WNT7A: variants seen among roughly 807,000 people sequenced by gnomAD.
WNT7A encodes protein Wnt-7a.
In WNT7A, 16 loss-of-function variants were observed where a neutral mutation model predicts 28.2. The ratio of observed to expected loss-of-function variants is 0.57; its 90% CI spans 0.38 to 0.86. The LOEUF (loss-of-function observed/expected upper bound fraction) is 0.86. Among genes scored for constraint, WNT7A ranks in the 40% least tolerant of loss-of-function variants. WNT7A has a pLI of 0.00. For synonymous variants in WNT7A, 190 were observed against 195.9 expected (o/e 0.97, Z 0.25); for missense variants, 411 against 489.7 (o/e 0.84, Z 1.52).
At chr3:13,822,993 G>A (rs1262016960) in intron 3 of WNT7A, among the ~76,000 whole-genome samples, 1 of 152,178 alleles carries the variant, frequency 6.6e-6, no homozygotes, top group Non-Finnish European at 1.5e-5. Flanking sequence ...GGTATTGAAT[G>A]GGCTCCGATC....
At chr3:13,862,801 G>A (rs1694852220) in intron 2 of WNT7A, among the ~76,000 whole-genome samples, 1 of 152,244 alleles carries the variant, frequency 6.6e-6, no homozygotes, top group Non-Finnish European at 1.5e-5. Flanking sequence ...AGAGCACACT[G>A]CTGACCACTT....
rs1694354458 is a variant in WNT7A, at chr3:13,835,588, T to A, written c.571-16165A>T. On this transcript the variant is annotated intron_variant, in intron 3 of 3. Coordinates refer to ENST00000285018, the MANE Select transcript of WNT7A (RefSeq NM_004625.4). ...GGGCCCCCTACATCAGTTCAGACCC[T>A]TCTCTCTTGGCCAGAGACCTGGGCT... 2.0e-5 allele frequency among the ~76,000 whole-genome samples: 3 copies of A among 152,328 alleles called. No homozygotes were observed. The South Asian group carries it at 6.2e-4, about 32-fold the overall frequency.
At chr3:13,856,968 GGAGA>G (rs1694754015) in intron 2 of WNT7A, among the ~76,000 whole-genome samples, 3 of 120,948 alleles carry the variant, frequency 2.5e-5, no homozygotes, top group Non-Finnish European at 4.8e-5. Context: ...AGAAGAAGAA[GGAGA>G]AGAAGAAGAA....
chr3:13,862,975 TC>T (rs536801962), intron 2 of WNT7A, among the ~76,000 whole-genome samples: 54 of 152,304 alleles, frequency 3.5e-4, no homozygotes, highest in African/African-American at 1.3e-3. Context: ...TGGGTTCACA[TC>T]CTGACCCCCT....
chr3:13,874,525 A>G (rs1471873720), intron 2 of WNT7A, among the ~76,000 whole-genome samples: 2 of 152,184 alleles, frequency 1.3e-5, no homozygotes, highest in Non-Finnish European at 2.9e-5. Flanking sequence ...CACTGCTGCA[A>G]CTAAAGGGAG....
intron 3 of WNT7A, among the ~76,000 whole-genome samples, chr3:13,853,963 G>A (rs1423000537): frequency 6.6e-6 from 1 of 152,102 alleles, no homozygotes; most frequent in Non-Finnish European, 1.5e-5. Flanking sequence ...GGAGCAGCTG[G>A]GACCACTGCA....
At position 13,854,538 on chromosome 3, in the gene WNT7A, G is replaced by GT. The variant is rs1559302279; in HGVS notation, c.563_564insA (p.Arg189ProfsTer13). On this transcript the variant is annotated frameshift_variant, in exon 3 of 4. Transcript: ENST00000285018. LOFTEE classifies it low-confidence loss of function (END_TRUNC). ...GCCCTCCCTGGCTTCCTACCTTTCGGCCTGCCTCGTTGTTGTGCAAGTTCA... is the reference window on the plus strand; with the variant it reads ...GCCCTCCCTGGCTTCCTACCTTTCGGTCCTGCCTCGTTGTTGTGCAAGTTCA... 1 of 1,614,078 alleles carries GT rather than the reference G, an allele frequency of 6.2e-7. No individual in the cohort carries two copies. The highest frequency in any genetic ancestry group is 8.5e-7 in the Non-Finnish European group (1 of 1,180,042).
chr3:13,862,506 T>C (rs1694846780), intron 2 of WNT7A, among the ~76,000 whole-genome samples: 1 of 152,260 alleles, frequency 6.6e-6, no homozygotes. Flanking sequence ...CTGAAATATA[T>C]GATTTGGAAA....
In WNT7A at chr3:13,818,650, G is replaced by T; in HGVS notation, c.*294C>A. 3.9e-6 allele frequency: 1 copy of T among 254,090 alleles called. No homozygotes were observed. Among genetic ancestry groups the T allele is most frequent in the Non-Finnish European group, 7.4e-6 (1 of 134,826 alleles). 15.7% of individuals were successfully genotyped at this position (254,090 alleles called of 1,614,324 possible). A position where few individuals can be genotyped will look rare whatever the true frequency, so the allele number is the denominator to read the frequency against. On this transcript the variant is annotated 3_prime_UTR_variant, in exon 4 of 4. Coordinates refer to ENST00000285018, the MANE Select transcript of WNT7A (RefSeq NM_004625.4). ...TTATCAGAATAAATTGTTAAATATTGCTGTGATGAGGCCCAGGGGTCCAGA... is the reference window on the plus strand; with the variant it reads ...TTATCAGAATAAATTGTTAAATATTTCTGTGATGAGGCCCAGGGGTCCAGA...
At chr3:13,877,610 T>A (rs187976269) in intron 1 of WNT7A, among the ~76,000 whole-genome samples, 24 of 152,308 alleles carry the variant, frequency 1.6e-4, no homozygotes, top group African/African-American at 4.8e-4. Context: ...TTCCTTCACT[T>A]ATTAGTTGTG....
chr3:13,855,458 C>A (rs746169121), intron 2 of WNT7A, among the ~76,000 whole-genome samples: 4 of 152,214 alleles, frequency 2.6e-5, no homozygotes, highest in Admixed American at 6.5e-5. Flanking sequence ...GTGGCCACTA[C>A]TACTCTTTCT....
intron 3 of WNT7A, among the ~76,000 whole-genome samples, chr3:13,830,949 G>A (rs989581160): frequency 1.3e-5 from 2 of 152,162 alleles, no homozygotes. Context: ...TCATGACATG[G>A]GCTCAATGGA....
At chr3:13,863,063 CAA>C (rs1694855398) in intron 2 of WNT7A, among the ~76,000 whole-genome samples, 1 of 152,192 alleles carries the variant, frequency 6.6e-6, no homozygotes, top group African/African-American at 2.4e-5. Flanking sequence ...AGTGGGAATA[CAA>C]AATGTCTACC....
intron 2 of WNT7A, among the ~76,000 whole-genome samples, chr3:13,863,481 C>CTGCA (rs1694865301): frequency 6.6e-6 from 1 of 151,970 alleles, no homozygotes; most frequent in Admixed American, 6.6e-5. Context: ...GCACGCACGC[C>CTGCA]TGCCTGCCTG....
At position 13,818,036 on chromosome 3, in the gene WNT7A, C is replaced by A. The variant is rs563275945; in HGVS notation, c.*908G>T. ...GGCCTGACGCCACAACCAGGCATCG[C>A]CCCTCCTTACCCCTAAGTGAGTACC... On this transcript the variant is annotated 3_prime_UTR_variant, in exon 4 of 4. Coordinates refer to ENST00000285018, the MANE Select transcript of WNT7A (RefSeq NM_004625.4). 2 of 152,276 alleles carry A rather than the reference C, an allele frequency of 1.3e-5. No homozygotes were observed. The highest frequency in any genetic ancestry group is 4.8e-5 in the African/African-American group (2 of 41,556). 9.4% of individuals were successfully genotyped at this position (152,276 alleles called of 1,614,324 possible).
At chr3:13,856,869 GAGGAAGAAGAGGAAGAAGAAGAAA>G (rs1336712745) in intron 2 of WNT7A, among the ~76,000 whole-genome samples, 3 of 137,480 alleles carry the variant, frequency 2.2e-5, no homozygotes, top group Admixed American at 7.4e-5. Context: ...GGAAGAGGAA[GAGGAAGAAGAGGAAGAAGAAGAAA>G]AAGAAGAAGA....
At chr3:13,857,153 A>C (rs1051133104) in intron 2 of WNT7A, among the ~76,000 whole-genome samples, 20 of 152,302 alleles carry the variant, frequency 1.3e-4, no homozygotes, top group African/African-American at 4.3e-4. Context: ...GAAATCAAGA[A>C]ATGCTGTGTA....
At chr3:13,837,534 G>GTGAGTGAATGAATGAATGAATGAATGAA (rs2124842114) in intron 3 of WNT7A, among the ~76,000 whole-genome samples, 1 of 124,808 alleles carries the variant, frequency 8.0e-6, no homozygotes, top group South Asian at 3.1e-4. Flanking sequence ...CATTTTCTGG[G>GTGAGTGAATGAATGAATGAATGAATGAA]TGAGTGAATG....
chr3:13,874,926 G>A (rs749799657), intron 2 of WNT7A, 21 bp downstream of exon 2: 2 of 1,612,566 alleles, frequency 1.2e-6, no homozygotes, highest in African/African-American at 1.3e-5. Context: ...ACTCTGCGGG[G>A]GTGTTTGGGT....
Sources: gnomAD v4.1 joint callset for allele counts (sites outside exome capture counted in the v4.1 genomes callset) on GRCh38, gnomAD v4.1.1 for gene constraint, MANE v1.5 for transcripts, NCBI Gene and HGNC (gene_info 2026-07-23, HGNC 2026-07-21) for gene names.